The following LRRC71 variants were observed in gnomAD, a reference collection of about 807,000 sequenced individuals.
LRRC71 encodes leucine-rich repeat-containing protein 71.
In LRRC71, 54 loss-of-function variants were observed where a neutral mutation model predicts 66.6. The ratio of observed to expected loss-of-function variants is 0.81; its 90% confidence interval spans 0.65 to 1.02. The LOEUF is 1.02. LRRC71 is among the 50% of genes least tolerant of loss of function. LRRC71 has a pLI of 0.00. For missense variants in LRRC71, 724 were observed against 718.0 expected (o/e 1.01, Z -0.10); for synonymous variants, 323 against 303.9 (o/e 1.06, Z -0.65).
At chr1:156,936,308 C>G (rs1416091773), downstream of LRRC71, 16 of 666,374 alleles carry the variant, frequency 2.4e-5, no homozygotes, top group Non-Finnish European at 4.3e-5. Flanking sequence ...TGTCCCTGGC[C>G]CACCCAGTGT....
At chr1:156,921,301 G>A (rs1652324897) in intron 1 of LRRC71, among the ~76,000 whole-genome samples, 1 of 152,224 alleles carries the variant, frequency 6.6e-6, no homozygotes, top group Non-Finnish European at 1.5e-5. Flanking sequence ...CCAGCCATGA[G>A]GCCAGATATG....
chr1:156,924,165 A>G, intron 2 of LRRC71, 67 bp downstream of exon 2: 1 of 1,487,492 alleles, frequency 6.7e-7, no homozygotes, highest in South Asian at 1.2e-5. Flanking sequence ...CTCCCTTCCC[A>G]CGCCGGGCCA....
In LRRC71 at chr1:156,932,850, C is replaced by G. The variant is rs894369550; in HGVS notation, c.1564-3C>G. The G allele has an allele frequency of 2.6e-6, 4 of 1,553,684 alleles. No homozygotes were observed. Among genetic ancestry groups the G allele is most frequent in the Non-Finnish European group, 3.5e-6 (4 of 1,146,432 alleles). On this transcript the variant is annotated splice_polypyrimidine_tract_variant and splice_region_variant and intron_variant, in intron 14 of 14. Coordinates refer to ENST00000337428, the MANE Select transcript of LRRC71 (RefSeq NM_144702.3). ...CAGATGTCAGCCTTCCTTTTCTTTTCAGAAAAATTGCTTCGCCCCACAATG... is the reference window on the plus strand; with the variant it reads ...CAGATGTCAGCCTTCCTTTTCTTTTGAGAAAAATTGCTTCGCCCCACAATG...
chr1:156,936,424 G>A (rs570543538), downstream of LRRC71, among the ~76,000 whole-genome samples: 2 of 143,506 alleles, frequency 1.4e-5, no homozygotes, highest in South Asian at 2.3e-4. Flanking sequence ...TTCGGCCCAG[G>A]AGTTTGAGAC....
Position 156,929,442 on chromosome 1 carries a change from T to C in LRRC71, c.1146+13T>C, listed in dbSNP as rs1653934130. The C allele has an allele frequency of 1.2e-6, 2 of 1,613,666 alleles. No individual in the cohort carries two copies. Among genetic ancestry groups the C allele is most frequent in the African/African-American group, 2.7e-5 (2 of 74,984 alleles). ...GGAGAAATCATGGGTAGGTGTGCAA[T>C]GGGACAGATCCTGGGTGCTGGACGG... On this transcript the variant is annotated intron_variant, in intron 10 of 14. Coordinates refer to ENST00000337428, the MANE Select transcript of LRRC71 (RefSeq NM_144702.3).
At chr1:156,921,426 A>G (rs1652346845) in intron 1 of LRRC71, among the ~76,000 whole-genome samples, 2 of 152,292 alleles carry the variant, frequency 1.3e-5, no homozygotes, top group East Asian at 3.9e-4. Context: ...GTTGCAAGTG[A>G]TAGAACCCCA....
downstream of LRRC71, among the ~76,000 whole-genome samples, chr1:156,933,729 C>G (rs1654687287): frequency 6.6e-6 from 1 of 152,192 alleles, no homozygotes; most frequent in Non-Finnish European, 1.5e-5. Context: ...TGCCAGTGCC[C>G]AGAGAGCACA....
the LRRC71 span, chr1:156,939,710 C>A: frequency 1.9e-6 from 3 of 1,614,128 alleles, no homozygotes; most frequent in East Asian, 6.7e-5. Context: ...GGCCGTTCCC[C>A]CTCCAGCCCT....
chr1:156,928,213 T>G (rs1005766739), intron 9 of LRRC71, among the ~76,000 whole-genome samples: 1 of 152,250 alleles, frequency 6.6e-6, no homozygotes, highest in African/African-American at 2.4e-5. Flanking sequence ...GGCAGTAGAG[T>G]GTACTGGTTC....
intron 12 of LRRC71, among the ~76,000 whole-genome samples, chr1:156,931,603 C>T (rs1247540675): frequency 2.6e-5 from 4 of 152,166 alleles, no homozygotes; most frequent in Non-Finnish European, 5.9e-5. Context: ...ACACCTTTCC[C>T]GTCTTCATCT....
chr1:156,929,685 A>T lies in LRRC71; in HGVS notation c.1196A>T (p.Gln399Leu). The part of the protein sequence containing the change: ...EKLGSGQSPT[Q>L]GTPKKEDATK... ...TTGGGGTCTGGGCAGTCACCCACAC[A>T]AGGAACCCCTAAGAAGGAAGATGCC... The change falls in exon 11 of 15, where the codon CAA (glutamine) becomes CTA (leucine). Residue 399 changes from glutamine (Q) to leucine (L), a missense_variant. Transcript: ENST00000337428. 6.3e-7 allele frequency: 1 copy of T among 1,583,974 alleles called. No individual in the cohort carries two copies. The highest frequency in any genetic ancestry group is 8.6e-7 in the Non-Finnish European group (1 of 1,165,150).
the LRRC71 span, among the ~76,000 whole-genome samples, chr1:156,940,968 G>A: frequency 6.6e-6 from 1 of 152,162 alleles, no homozygotes; most frequent in African/African-American, 2.4e-5. Flanking sequence ...TCCCATCACA[G>A]TAACTGCATC....
At chr1:156,938,597 G>T in the LRRC71 span, 1 of 1,347,192 alleles carries the variant, frequency 7.4e-7, no homozygotes, top group South Asian at 1.2e-5. Flanking sequence ...AGGAGAGAGG[G>T]CAGGAGGTGG....
chr1:156,939,460 A>C, the LRRC71 span: 1 of 1,563,648 alleles, frequency 6.4e-7, no homozygotes, highest in East Asian at 2.2e-5. Flanking sequence ...ACCCAGGGGG[A>C]GTATAGGGAA....
At chr1:156,936,480 GAAAA>G (rs35863393), downstream of LRRC71, among the ~76,000 whole-genome samples, 63 of 48,012 alleles carry the variant, frequency 1.3e-3, 2 homozygotes, top group South Asian at 6.3e-3. Flanking sequence ...CAAATAAATA[GAAAA>G]AAAAAAAAAA....
rs1652979194 is a variant in LRRC71 at position 156,924,991 on chromosome 1, T to C, written c.569T>C (p.Leu190Pro). The C allele has an allele frequency of 6.4e-7, 1 of 1,551,608 alleles. No homozygotes were observed. Residue 190 changes from leucine (L) to proline (P), a missense_variant, in exon 5 of 15, where the codon CTG becomes CCG. Transcript: ENST00000337428. Reference protein sequence around the residue: ...DKTLTTFIELLPLCSSTLRKV... With the variant: ...DKTLTTFIELPPLCSSTLRKV... ...ACCCTGACCACCTTCATCGAGCTCC[T>C]GCCTCTCTGTTCATCCACGCTCAGG...
At chr1:156,939,738 C>T in the LRRC71 span, 1 of 1,614,116 alleles carries the variant, frequency 6.2e-7, no homozygotes, top group Non-Finnish European at 8.5e-7. Flanking sequence ...GGGTGTTGTC[C>T]CCTTCACCCC....
At chr1:156,929,038 A>G (rs822426) in intron 9 of LRRC71, among the ~76,000 whole-genome samples, 40,656 of 151,844 alleles carry the variant, frequency 0.27, 6,384 homozygotes, top group African/African-American at 0.43. Context: ...CCCTCAATAT[A>G]AGTCTGAGAC....
chr1:156,939,390 G>T, the LRRC71 span: 3 of 979,708 alleles, frequency 3.1e-6, no homozygotes, highest in Non-Finnish European at 4.5e-6. Context: ...TCCAAAGCCT[G>T]CCTGATATCG....
Sources: gnomAD v4.1 joint callset for allele counts (sites outside exome capture counted in the v4.1 genomes callset) on GRCh38, gnomAD v4.1.1 for gene constraint, MANE v1.5 for transcripts, NCBI Gene and HGNC (gene_info 2026-07-23, HGNC 2026-07-21) for gene names.